The following CCDC18 variants were observed in gnomAD, a reference collection of about 807,000 sequenced individuals.
CCDC18 encodes the protein coiled-coil domain-containing protein 18.
CCDC18 carries 157 observed loss-of-function variants against 196.0 expected under a neutral mutation model. That is an observed-to-expected ratio of 0.80 (90% CI 0.70 to 0.91). The LOEUF (loss-of-function observed/expected upper bound fraction) is 0.91, where lower values mean the gene tolerates loss of function less well. Among genes scored for constraint, CCDC18 ranks in the 40% least tolerant of loss-of-function variants. CCDC18 has a pLI of 0.00. For synonymous variants in CCDC18, 482 were observed against 529.2 expected, an observed-to-expected ratio of 0.91 and a Z score of 1.22; for missense variants, 1,465 against 1,611.6, an observed-to-expected ratio of 0.91 and a Z score of 1.56.
At position 93,264,770 on chromosome 1, in the gene CCDC18, C is replaced by T. The variant is rs747361677; in HGVS notation, c.3754C>T (p.Gln1252Ter). The T allele has an allele frequency of 1.9e-6, 3 of 1,612,736 alleles. No homozygotes were observed. Among genetic ancestry groups the T allele is most frequent in the Non-Finnish European group, 8.5e-7 (1 of 1,178,998 alleles). Residue 1252 changes from glutamine (Q) to a stop codon, truncating the protein, a stop_gained, in exon 27 of 29, where the codon CAA (glutamine) becomes TAA (stop). Transcript: ENST00000690025. LOFTEE classifies it high-confidence loss of function. ...TGACTCTCAAAAGTCTTCTGTTCAG[C>T]AACTAAACGAACAGTTAGAGAAGGC... ...SADSQKSSVQ[Q>*]LNEQLEKAKL...
chr1:93,260,997 T>C (rs7537939), intron 26 of CCDC18, among the ~76,000 whole-genome samples: 13,572 of 152,218 alleles, frequency 0.089, 1,991 homozygotes, highest in African/African-American at 0.31. Flanking sequence ...ATGTGCCACA[T>C]TTTCTTTATC....
intron 26 of CCDC18, among the ~76,000 whole-genome samples, chr1:93,264,354 C>T (rs1664212352): frequency 6.6e-6 from 1 of 152,196 alleles, no homozygotes. Flanking sequence ...ACCATGATCA[C>T]ACCTAAAAAT....
chr1:93,223,938 CACAT>C (rs201946941), intron 16 of CCDC18, among the ~76,000 whole-genome samples: 4 of 136,036 alleles, frequency 2.9e-5, no homozygotes, highest in Non-Finnish European at 4.8e-5. Flanking sequence ...CACACACACA[CACAT>C]TTGCAAGTGG....
chr1:93,267,273 G>A (rs1168127943), intron 27 of CCDC18, among the ~76,000 whole-genome samples: 1 of 151,906 alleles, frequency 6.6e-6, no homozygotes, highest in Non-Finnish European at 1.5e-5. Context: ...CTCAAACTAG[G>A]TATTGATGGG....
chr1:93,254,371 T>G, intron 23 of CCDC18, 100 bp from the exon 24 acceptor site: 1 of 876,216 alleles, frequency 1.1e-6, no homozygotes, highest in Non-Finnish European at 1.7e-6. Context: ...TATTTTGCTT[T>G]TAGATATGAG....
chr1:93,239,621 T>A (rs1660500390), intron 20 of CCDC18, 62 bp from the exon 21 acceptor site: 5 of 1,349,330 alleles, frequency 3.7e-6, no homozygotes, highest in Non-Finnish European at 5.2e-6. Context: ...ATTCTTAATA[T>A]ATACAAAGTT....
At chr1:93,273,191 C>A (rs922685688) in intron 28 of CCDC18, among the ~76,000 whole-genome samples, 1 of 152,026 alleles carries the variant, frequency 6.6e-6, no homozygotes, top group African/African-American at 2.4e-5. Context: ...GCCTCAGCCT[C>A]CCGAGTAGCT....
At chr1:93,269,522 T>TTC (rs1665008053) in intron 27 of CCDC18, among the ~76,000 whole-genome samples, 1 of 151,882 alleles carries the variant, frequency 6.6e-6, no homozygotes, top group Non-Finnish European at 1.5e-5. Context: ...TTGTAATGCA[T>TTC]TCTGTGGTTA....
chr1:93,261,647 C>G (rs185619496), intron 26 of CCDC18, among the ~76,000 whole-genome samples: 18 of 152,220 alleles, frequency 1.2e-4, no homozygotes, highest in Admixed American at 2.6e-4. Context: ...CCCCAAGCCA[C>G]ATCAATCACC....
chr1:93,217,274 A>G (rs1344262722), intron 13 of CCDC18, among the ~76,000 whole-genome samples: 1 of 152,056 alleles, frequency 6.6e-6, no homozygotes, highest in Non-Finnish European at 1.5e-5. Context: ...AGATAATGGT[A>G]GTTCTTTGAT....
At chr1:93,239,966 C>T in intron 21 of CCDC18, 70 bp downstream of exon 21, 1 of 1,076,390 alleles carries the variant, frequency 9.3e-7, no homozygotes, top group Non-Finnish European at 1.4e-6. Context: ...TATGTTGTTG[C>T]ATTCTAGACG....
At chr1:93,269,646 A>G (rs140158972) in intron 27 of CCDC18, 1 of 152,260 alleles carries the variant, frequency 6.6e-6, no homozygotes, top group East Asian at 1.9e-4. Flanking sequence ...CTTTAAGAAA[A>G]GGCAAATGTA....
intron 6 of CCDC18, among the ~76,000 whole-genome samples, chr1:93,200,695 CAA>C (rs58978373): frequency 0.081 from 12,374 of 152,162 alleles, 1,635 homozygotes; most frequent in African/African-American, 0.28. Context: ...CCTTTTCAGA[CAA>C]AGAGTGAAGA....
chr1:93,245,158 A>G (rs1420625401), intron 21 of CCDC18, among the ~76,000 whole-genome samples: 3 of 152,200 alleles, frequency 2.0e-5, no homozygotes, highest in African/African-American at 7.2e-5. Context: ...TCCAGTAAAT[A>G]TTTGCAAAAT....
chr1:93,272,955 T>TG (rs200388372), intron 28 of CCDC18, among the ~76,000 whole-genome samples: 1 of 109,240 alleles, frequency 9.2e-6, no homozygotes, highest in African/African-American at 6.3e-5. Context: ...TGGTCTTGGA[T>TG]AAAAAGGGGC....
At chr1:93,247,067 G>GTT in intron 23 of CCDC18, 113 bp downstream of exon 23, 1 of 554,010 alleles carries the variant, frequency 1.8e-6, no homozygotes, top group South Asian at 2.0e-5. Context: ...TTTGTTTTTT[G>GTT]TTTTTTTTGG....
chr1:93,206,997 T>C, intron 8 of CCDC18, 110 bp from the exon 9 acceptor site: 1 of 595,050 alleles, frequency 1.7e-6, no homozygotes, highest in Non-Finnish European at 2.8e-6. Flanking sequence ...TGTGAGCAGG[T>C]ATTATTTTAG....
intron 21 of CCDC18, among the ~76,000 whole-genome samples, chr1:93,243,398 G>A (rs556033026): frequency 6.6e-6 from 1 of 152,308 alleles, no homozygotes; most frequent in Admixed American, 6.5e-5. Flanking sequence ...AAGTCCCTAG[G>A]CTGCACACAG....
chr1:93,216,851 A>G lies in CCDC18; in HGVS notation c.1830+105A>G, dbSNP rs1656554945. ...ATTATTATAAAATATATAGGAAAGT[A>G]TAAATTCTACTAAACTCTTCTGATC... On this transcript the variant is annotated intron_variant, in intron 13 of 28. Transcript: ENST00000690025. 5.1e-6 allele frequency: 3 copies of G among 589,456 alleles called. No homozygotes were observed. In the African/African-American group the frequency reaches 6.0e-5, roughly 12 times the overall value. 36.5% of individuals were successfully genotyped at this position (589,456 alleles called of 1,614,324 possible). A position where few individuals can be genotyped will look rare whatever the true frequency, so the allele number is the denominator to read the frequency against.
Sources: allele counts gnomAD v4.1 joint callset (sites outside exome capture counted in the v4.1 genomes callset), GRCh38; gene constraint gnomAD v4.1.1; transcripts MANE v1.5; gene names NCBI Gene and HGNC (gene_info 2026-07-23, HGNC 2026-07-21).